ANO2: variants seen among roughly 807,000 people sequenced by gnomAD.
ANO2 encodes anoctamin-2.
In ANO2, 101 loss-of-function variants were observed where a neutral mutation model predicts 124.2. That is an observed-to-expected ratio of 0.81 (90% CI 0.69 to 0.96). ANO2 has a LOEUF of 0.96. Ranked by LOEUF, ANO2 falls within the 40% of genes least tolerant of loss-of-function variation. The pLI is 0.00. For synonymous variants in ANO2, 486 were observed against 482.5 expected (o/e 1.01, Z -0.09); for missense variants, 1,293 against 1,274.5 (o/e 1.01, Z -0.22).
At chr12:5,822,721 G>C (rs1301183945) in intron 7 of ANO2, among the ~76,000 whole-genome samples, 4 of 152,164 alleles carry the variant, frequency 2.6e-5, no homozygotes, top group Admixed American at 6.5e-5. Context: ...ACTTACTCAG[G>C]GTATGGGTTT....
At chr12:5,669,899 G>A (rs1947908573) in intron 14 of ANO2, among the ~76,000 whole-genome samples, 1 of 152,186 alleles carries the variant, frequency 6.6e-6, no homozygotes, top group Non-Finnish European at 1.5e-5. Context: ...AACTCACTAA[G>A]TGTCTGATGA....
At chr12:5,823,358 C>A (rs935265781) in intron 7 of ANO2, among the ~76,000 whole-genome samples, 1 of 152,126 alleles carries the variant, frequency 6.6e-6, no homozygotes, top group Non-Finnish European at 1.5e-5. Context: ...TAGTTACTTC[C>A]GAGATAAAAT....
At chr12:5,802,873 TGCCCCAA>T (rs1331728094) in intron 9 of ANO2, among the ~76,000 whole-genome samples, 1 of 152,242 alleles carries the variant, frequency 6.6e-6, no homozygotes, top group Non-Finnish European at 1.5e-5. Context: ...TGTGTCTGTC[TGCCCCAA>T]GCCTTTACAG....
intron 14 of ANO2, among the ~76,000 whole-genome samples, chr12:5,723,245 G>A (rs1950306485): frequency 6.6e-6 from 1 of 152,162 alleles, no homozygotes; most frequent in Non-Finnish European, 1.5e-5. Flanking sequence ...CTCACATTGC[G>A]GTGTGATGTG....
intron 3 of ANO2, among the ~76,000 whole-genome samples, chr12:5,902,349 C>A (rs530304895): frequency 1.3e-5 from 2 of 151,916 alleles, no homozygotes; most frequent in African/African-American, 4.8e-5. Context: ...CTTTGGGTGG[C>A]TGAGGCAGGA....
intron 14 of ANO2, among the ~76,000 whole-genome samples, chr12:5,716,968 T>G (rs1950047222): frequency 6.6e-6 from 1 of 152,218 alleles, no homozygotes; most frequent in Admixed American, 6.5e-5. Context: ...CAGAAAAGCA[T>G]GAATGTGGCA....
intron 23 of ANO2, among the ~76,000 whole-genome samples, chr12:5,573,963 T>C (rs1393170196): frequency 6.6e-6 from 1 of 152,226 alleles, no homozygotes; most frequent in Non-Finnish European, 1.5e-5. Flanking sequence ...TCTGAACCTA[T>C]GTGGCTGTCT....
chr12:5,713,516 C>T (rs1949893614), intron 14 of ANO2, among the ~76,000 whole-genome samples: 1 of 152,130 alleles, frequency 6.6e-6, no homozygotes, highest in African/African-American at 2.4e-5. Context: ...AAGGGCAATG[C>T]TAAATCCCCC....
intron 8 of ANO2, among the ~76,000 whole-genome samples, chr12:5,807,066 C>G (rs1424593918): frequency 6.6e-6 from 1 of 152,172 alleles, no homozygotes; most frequent in African/African-American, 2.4e-5. Context: ...AAGAAAAGCT[C>G]AAACAAAGCC....
chr12:5,827,970 G>A (rs1954031567), intron 6 of ANO2, 150 bp from the exon 7 acceptor site: 10 of 777,044 alleles, frequency 1.3e-5, no homozygotes, highest in South Asian at 1.1e-4. Flanking sequence ...CTCATGGCCC[G>A]CACATCAACC....
intron 3 of ANO2, among the ~76,000 whole-genome samples, chr12:5,857,692 A>G (rs969666726): frequency 7.2e-5 from 11 of 152,070 alleles, no homozygotes; most frequent in Non-Finnish European, 1.5e-4. Flanking sequence ...GTTTATTTAG[A>G]TCCTTTGCCC....
rs536309562 is a variant in ANO2 at position 5,758,802 on chromosome 12, T to C, written c.1056-7832A>G. On this transcript the variant is annotated intron_variant, in intron 10 of 24. Transcript: ENST00000682330. The stretch of plus-strand genomic sequence containing the variant: ...ATACTACTTACCTCAGTTTCCACTG[T>C]CATTTTATACACAATGTATGGCATT... Among the ~76,000 whole-genome samples the C allele has an allele frequency of 4.6e-5, 7 of 152,332 alleles. No homozygotes were observed. In the South Asian group the frequency reaches 1.5e-3, roughly 32 times the overall value.
At chr12:5,810,968 C>A (rs1411370488) in intron 7 of ANO2, among the ~76,000 whole-genome samples, 1 of 152,164 alleles carries the variant, frequency 6.6e-6, no homozygotes, top group East Asian at 1.9e-4. Flanking sequence ...AAGCCTGAGA[C>A]CTAGCATTAA....
intron 14 of ANO2, among the ~76,000 whole-genome samples, chr12:5,692,455 A>G (rs1383386371): frequency 6.6e-6 from 1 of 152,138 alleles, no homozygotes; most frequent in Non-Finnish European, 1.5e-5. Context: ...GTGAATGTTA[A>G]ATTCAAGAAT....
chr12:5,881,514 G>A (rs1938497800), intron 3 of ANO2, among the ~76,000 whole-genome samples: 2 of 152,304 alleles, frequency 1.3e-5, no homozygotes, highest in South Asian at 4.2e-4. Flanking sequence ...TTCAGAAGGG[G>A]CAATATTGTA....
intron 10 of ANO2, among the ~76,000 whole-genome samples, chr12:5,761,949 A>T (rs1187552034): frequency 6.6e-6 from 1 of 152,156 alleles, no homozygotes; most frequent in Admixed American, 6.5e-5. Context: ...TAACAGGAAA[A>T]TAATTTGAGA....
intron 3 of ANO2, among the ~76,000 whole-genome samples, chr12:5,854,611 G>A (rs1454929911): frequency 6.6e-6 from 1 of 152,094 alleles, no homozygotes; most frequent in African/African-American, 2.4e-5. Flanking sequence ...CTACTGTCAT[G>A]CTGTTATAGC....
intron 7 of ANO2, among the ~76,000 whole-genome samples, chr12:5,813,076 G>A (rs1953487388): frequency 6.7e-6 from 1 of 149,970 alleles, no homozygotes; most frequent in Non-Finnish European, 1.5e-5. Context: ...AGACGAAAGA[G>A]GAAGGAAAAA....
intron 19 of ANO2, among the ~76,000 whole-genome samples, chr12:5,605,462 C>T (rs542012774): frequency 1.3e-5 from 2 of 152,240 alleles, no homozygotes; most frequent in East Asian, 1.9e-4. Flanking sequence ...ATAGAGATGG[C>T]GAGACATTTT....
Sources: gnomAD v4.1 joint callset for allele counts (sites outside exome capture counted in the v4.1 genomes callset) on GRCh38, gnomAD v4.1.1 for gene constraint, MANE v1.5 for transcripts, NCBI Gene and HGNC (gene_info 2026-07-23, HGNC 2026-07-21) for gene names.